The following CSMD1 variants were observed in gnomAD, a reference collection of about 807,000 sequenced individuals.
The protein encoded by CSMD1 is CUB and sushi domain-containing protein 1.
Under a neutral mutation model 417.5 loss-of-function variants are expected in CSMD1, and 213 were observed. The ratio of observed to expected loss-of-function variants is 0.51; its 90% confidence interval spans 0.46 to 0.57. CSMD1 has a LOEUF of 0.57. CSMD1 is among the 20% of genes least tolerant of loss of function. The pLI is 0.00. For synonymous variants in CSMD1, 2,862 were observed against 1,736.8 expected (o/e 1.65, Z -16.11); for missense variants, 6,923 against 4,529.7 (o/e 1.53, Z -15.17).
intron 5 of CSMD1, among the ~76,000 whole-genome samples, chr8:3,868,301 G>A (rs150712860): frequency 9.9e-4 from 150 of 152,174 alleles, no homozygotes; most frequent in African/African-American, 3.4e-3. Flanking sequence ...CTGCTTGCAG[G>A]AGAGATTTCA....
chr8:3,675,849 T>C (rs370295442), intron 7 of CSMD1, among the ~76,000 whole-genome samples: 1 of 152,198 alleles, frequency 6.6e-6, no homozygotes, highest in African/African-American at 2.4e-5. Flanking sequence ...TTCCACCTTA[T>C]GCAAATTTTC....
intron 1 of CSMD1, among the ~76,000 whole-genome samples, chr8:4,683,628 A>C (rs547855344): frequency 6.6e-6 from 1 of 152,322 alleles, no homozygotes; most frequent in African/African-American, 2.4e-5. Context: ...AATGACGAGG[A>C]ACCTCGCAGA....
At chr8:4,797,326 A>C (rs1036386634) in intron 1 of CSMD1, among the ~76,000 whole-genome samples, 2 of 152,166 alleles carry the variant, frequency 1.3e-5, no homozygotes, top group Non-Finnish European at 2.9e-5. Flanking sequence ...GGCAGCTGAG[A>C]GTGCACCTGG....
intron 1 of CSMD1, among the ~76,000 whole-genome samples, chr8:4,643,189 AGATCACCACACT>A (rs1803311650): frequency 6.6e-6 from 1 of 152,228 alleles, no homozygotes; most frequent in South Asian, 2.1e-4. Flanking sequence ...CAAAAAGCCC[AGATCACCACACT>A]GGCTCCTTTC....
chr8:3,213,963 A>T (rs1797752275), intron 30 of CSMD1, among the ~76,000 whole-genome samples: 1 of 151,704 alleles, frequency 6.6e-6, no homozygotes, highest in South Asian at 2.1e-4. Flanking sequence ...CTCCTGCCTC[A>T]CCCTACTGAG....
chr8:3,917,502 C>T (rs1208396142), intron 5 of CSMD1, among the ~76,000 whole-genome samples: 1 of 152,008 alleles, frequency 6.6e-6, no homozygotes, highest in Admixed American at 6.6e-5. Flanking sequence ...AAAAGATAAA[C>T]ATAAAAAATA....
chr8:4,320,452 G>C (rs1490704834), intron 3 of CSMD1, among the ~76,000 whole-genome samples: 1 of 151,972 alleles, frequency 6.6e-6, no homozygotes, highest in Non-Finnish European at 1.5e-5. Context: ...ATGGTTTTCT[G>C]CACCTATCAA....
rs370214675 is a variant in CSMD1, at chr8:3,526,817, A to G, written c.1345-33091T>C. Among the ~76,000 whole-genome samples the G allele has an allele frequency of 2.6e-5, 4 of 152,314 alleles. No homozygotes were observed. The East Asian group carries it at 5.8e-4, about 22-fold the overall frequency. Reference sequence around the variant, plus strand: ...GCAGACGACGCTGGTTATGTATGTAACAACCTGTATTCTCCTTTGCTTTCT... The same window carrying G: ...GCAGACGACGCTGGTTATGTATGTAGCAACCTGTATTCTCCTTTGCTTTCT... On this transcript the variant is annotated intron_variant, in intron 10 of 69. Transcript: ENST00000635120.
rs546092905 is a variant in CSMD1 at position 3,477,571 on chromosome 8, G to C, written c.1449-8747C>G. Among the ~76,000 whole-genome samples the C allele has an allele frequency of 1.1e-4, 17 of 152,312 alleles. No individual in the cohort carries two copies. In the South Asian group the frequency reaches 2.5e-3, roughly 22 times the overall value. Reference sequence around the variant, plus strand: ...GGCAGACTCATTCCTCTTGAGGATGGAGTAAAATACCAGTAATGAGTTTCA... The same window carrying C: ...GGCAGACTCATTCCTCTTGAGGATGCAGTAAAATACCAGTAATGAGTTTCA... On this transcript the variant is annotated intron_variant, in intron 11 of 69. Coordinates refer to ENST00000635120, the MANE Select transcript of CSMD1 (RefSeq NM_033225.6).
chr8:3,623,694 G>T (rs1796363939), intron 7 of CSMD1, among the ~76,000 whole-genome samples: 1 of 152,076 alleles, frequency 6.6e-6, no homozygotes, highest in African/African-American at 2.4e-5. Flanking sequence ...CTGACTCCAG[G>T]GCCGGGCGTG....
At chr8:4,900,619 G>A (rs867409968) in intron 1 of CSMD1, among the ~76,000 whole-genome samples, 6 of 152,078 alleles carry the variant, frequency 3.9e-5, no homozygotes, top group African/African-American at 7.2e-5. Flanking sequence ...CCAGATTCGT[G>A]CCCCTAGGCT....
intron 1 of CSMD1, among the ~76,000 whole-genome samples, chr8:4,702,893 A>C (rs1415938352): frequency 6.6e-6 from 1 of 152,192 alleles, no homozygotes; most frequent in Non-Finnish European, 1.5e-5. Context: ...TAAAAAGTTA[A>C]TTATGAATTT....
intron 1 of CSMD1, among the ~76,000 whole-genome samples, chr8:4,833,584 T>C (rs1043909523): frequency 6.6e-6 from 1 of 152,218 alleles, no homozygotes; most frequent in African/African-American, 2.4e-5. Flanking sequence ...ATATTCCAAA[T>C]GGAGCACACG....
intron 10 of CSMD1, among the ~76,000 whole-genome samples, chr8:3,569,029 T>C (rs1028685416): frequency 2.6e-5 from 4 of 152,150 alleles, no homozygotes; most frequent in Non-Finnish European, 5.9e-5. Context: ...AGCTGGATTG[T>C]CAAATGTGTC....
chr8:4,429,590 CAAAG>C (rs1323123792), intron 2 of CSMD1, among the ~76,000 whole-genome samples: 1 of 152,088 alleles, frequency 6.6e-6, no homozygotes, highest in Non-Finnish European at 1.5e-5. Context: ...ATTTAGGAGG[CAAAG>C]AAAGTCAAAG....
At chr8:4,543,304 C>G (rs751288802) in intron 2 of CSMD1, among the ~76,000 whole-genome samples, 1 of 152,162 alleles carries the variant, frequency 6.6e-6, no homozygotes, top group Admixed American at 6.5e-5. Context: ...GTTCATCCCT[C>G]CCTTCCTCCA....
At chr8:4,798,177 G>A (rs545152043) in intron 1 of CSMD1, among the ~76,000 whole-genome samples, 159 of 152,128 alleles carry the variant, frequency 1.0e-3, no homozygotes, top group Admixed American at 2.7e-3. Context: ...CCCACCCAAT[G>A]ACAGGCCCCG....
At chr8:3,803,192 T>G (rs780566477) in intron 5 of CSMD1, among the ~76,000 whole-genome samples, 4 of 152,006 alleles carry the variant, frequency 2.6e-5, no homozygotes, top group Non-Finnish European at 4.4e-5. Flanking sequence ...ATTCATTTGT[T>G]CAGAAATAAT....
chr8:3,024,919 G>T (rs1168478871), intron 51 of CSMD1, among the ~76,000 whole-genome samples: 2 of 152,228 alleles, frequency 1.3e-5, no homozygotes, highest in Non-Finnish European at 2.9e-5. Context: ...ACTGCTTTGT[G>T]TACTGCCTGC....
Sources: allele counts gnomAD v4.1 joint callset (sites outside exome capture counted in the v4.1 genomes callset), GRCh38; gene constraint gnomAD v4.1.1; transcripts MANE v1.5; gene names NCBI Gene and HGNC (gene_info 2026-07-23, HGNC 2026-07-21).